The following TNKS1BP1 variants were observed in gnomAD, a reference collection of about 807,000 sequenced individuals.
TNKS1BP1 encodes CCR4-NOT transcription complex subunit 12.
TNKS1BP1 carries 48 observed loss-of-function variants against 141.1 expected under a neutral mutation model. The observed-to-expected ratio is 0.34, with a 90% CI of 0.27 to 0.43. The LOEUF (loss-of-function observed/expected upper bound fraction) is 0.43, where lower values mean the gene tolerates loss of function less well. Among genes scored for constraint, TNKS1BP1 ranks in the 20% least tolerant of loss-of-function variants. The probability of loss-of-function intolerance (pLI) is 1.00; values close to 1 mark genes in which losing one functional copy is unlikely to be tolerated. For synonymous variants in TNKS1BP1, 875 were observed against 898.2 expected (o/e 0.97, Z 0.46); for missense variants, 2,149 against 2,226.0 (o/e 0.97, Z 0.70).
chr11:57,321,865 C>T lies in TNKS1BP1; in HGVS notation c.21G>A (p.Arg7=). The change falls in exon 2 of 12, where the codon AGG becomes AGA. Residue 7 remains arginine (R), a synonymous_variant. Coordinates refer to ENST00000358252, the MANE Select transcript of TNKS1BP1 (RefSeq NM_033396.3). MKVSTL[R]ESSAMASPLP... ...GTGGGGAAGCCATGGCTGAGCTTTC[C>T]CTGAGAGTAGACACTTTCATCACAT... is the stretch of plus-strand genomic sequence containing the variant. 1 of 1,614,102 alleles carries T rather than the reference C, an allele frequency of 6.2e-7. No individual in the cohort carries two copies. The highest frequency in any genetic ancestry group is 8.5e-7 in the Non-Finnish European group (1 of 1,179,992).
In TNKS1BP1 at chr11:57,320,333, G is replaced by A; in HGVS notation, c.474C>T (p.Ala158=). ...TGGCCAGGATCTCTTCCACCGTGGT[G>A]GCCGCGAAGCGCTCTGAGGCTGGGC... ...PFRPASERFA[A]TTVEEILAKM... The change falls in exon 3 of 12, where the codon GCC becomes GCT. Residue 158 remains alanine, a synonymous_variant. Transcript: ENST00000358252. 1 of 1,614,210 alleles carries A rather than the reference G, an allele frequency of 6.2e-7. No homozygotes were observed. The highest frequency in any genetic ancestry group is 8.5e-7 in the Non-Finnish European group (1 of 1,180,036).
intron 8 of TNKS1BP1, 54 bp from the exon 9 acceptor site, chr11:57,301,997 A>C: frequency 6.2e-7 from 1 of 1,605,386 alleles, no homozygotes; most frequent in Non-Finnish European, 8.5e-7. Flanking sequence ...AGACTCCCCG[A>C]ACCCATAACC....
In TNKS1BP1 at chr11:57,320,139, T is replaced by G. The variant is rs865875645; in HGVS notation, c.668A>C (p.Glu223Ala). ...GSTLFRGWSQEGPVKSPAECR... is the reference protein window; with the variant it reads ...GSTLFRGWSQAGPVKSPAECR... ...CTCTGCTGGAGACTTTACTGGCCCC[T>G]CCTGGGACCATCCCCTGAAGAGGGT... The change falls in exon 3 of 12, where the codon GAG becomes GCG. Residue 223 changes from glutamate (E) to alanine (A), a missense_variant. Glu to Ala is a moderately radical substitution (Grantham distance 107). Coordinates refer to ENST00000358252, the MANE Select transcript of TNKS1BP1 (RefSeq NM_033396.3). The G allele has an allele frequency of 6.2e-7, 1 of 1,613,474 alleles. No individual in the cohort carries two copies. The highest frequency in any genetic ancestry group is 8.5e-7 in the Non-Finnish European group (1 of 1,179,796).
intron 4 of TNKS1BP1, among the ~76,000 whole-genome samples, chr11:57,314,840 A>G (rs556691792): frequency 1.3e-5 from 2 of 152,118 alleles, no homozygotes; most frequent in East Asian, 1.9e-4. Context: ...CTCCCACATC[A>G]TCACCTACTA....
At chr11:57,318,850 G>T (rs1209020563) in intron 3 of TNKS1BP1, among the ~76,000 whole-genome samples, 1 of 152,228 alleles carries the variant, frequency 6.6e-6, no homozygotes, top group Non-Finnish European at 1.5e-5. Context: ...CTGGCATCAA[G>T]ATGTGTTCCT....
chr11:57,318,716 G>A (rs763267950), intron 3 of TNKS1BP1, among the ~76,000 whole-genome samples: 2 of 152,172 alleles, frequency 1.3e-5, no homozygotes, highest in African/African-American at 2.4e-5. Context: ...CCAAAGTCCC[G>A]TGCCCAGCAC....
At chr11:57,311,132 C>T in intron 5 of TNKS1BP1, 1 of 707,456 alleles carries the variant, frequency 1.4e-6, no homozygotes, top group Non-Finnish European at 1.7e-6. Context: ...ACCTCTCAGC[C>T]CTCACCCTGG....
At chr11:57,314,034 C>T in intron 4 of TNKS1BP1, 145 bp from the exon 5 acceptor site, 6 of 977,804 alleles carry the variant, frequency 6.1e-6, no homozygotes, top group Non-Finnish European at 8.3e-6. Flanking sequence ...CTTGGGATAG[C>T]TGGGAGGGGC....
chr11:57,314,494 C>T (rs1486252687), intron 4 of TNKS1BP1, among the ~76,000 whole-genome samples: 1 of 152,204 alleles, frequency 6.6e-6, no homozygotes, highest in Non-Finnish European at 1.5e-5. Flanking sequence ...CCAGCACTGC[C>T]TCTTACCAGC....
chr11:57,305,776 A>G (rs1291417360), intron 6 of TNKS1BP1, among the ~76,000 whole-genome samples: 1 of 152,152 alleles, frequency 6.6e-6, no homozygotes, highest in Non-Finnish European at 1.5e-5. Context: ...ACAAAACCCC[A>G]TGAGTACTGG....
At chr11:57,320,027 A>ACCCCC in intron 3 of TNKS1BP1, 52 bp downstream of exon 3, 1 of 578,372 alleles carries the variant, frequency 1.7e-6, no homozygotes, top group South Asian at 1.7e-5. Flanking sequence ...ACCCAATCCC[A>ACCCCC]CCCCACCTGA....
At chr11:57,303,130 C>T (rs984680703) in intron 6 of TNKS1BP1, 7 of 352,896 alleles carry the variant, frequency 2.0e-5, no homozygotes, top group African/African-American at 1.2e-4. Context: ...AAGCACTTAG[C>T]ACAGTCCTGG....
intron 4 of TNKS1BP1, among the ~76,000 whole-genome samples, chr11:57,317,128 T>C (rs886847890): frequency 3.9e-5 from 6 of 152,222 alleles, no homozygotes; most frequent in African/African-American, 9.6e-5. Flanking sequence ...CACTCGTCCC[T>C]GCACTCTCTA....
chr11:57,322,079 G>A lies in TNKS1BP1; in HGVS notation c.-65-129C>T, dbSNP rs1033096633. On this transcript the variant is annotated intron_variant, in intron 1 of 11. Coordinates refer to ENST00000358252, the MANE Select transcript of TNKS1BP1 (RefSeq NM_033396.3). ...GAAGAGAGAACTTGGAGTGGGGGGG[G>A]GGGGGTAGGAGGAGGTCAAGGGAGG... The A allele has an allele frequency of 5.9e-5, 48 of 812,996 alleles. 2 individuals are homozygous for A. The highest frequency in any genetic ancestry group is 8.4e-4 in the Middle Eastern group (2 of 2,394). The allele number at this position is 812,996 out of a possible 1,614,324, so 50.4% of individuals were successfully genotyped here. A position where few individuals can be genotyped will look rare whatever the true frequency, so the allele number is the denominator to read the frequency against.
At chr11:57,311,925 G>A (rs2134361135) in intron 5 of TNKS1BP1, among the ~76,000 whole-genome samples, 1 of 152,364 alleles carries the variant, frequency 6.6e-6, no homozygotes, top group South Asian at 2.1e-4. Flanking sequence ...CACTTAGGAT[G>A]AGCCAGGCAC....
chr11:57,316,915 G>A (rs557708168), intron 4 of TNKS1BP1, among the ~76,000 whole-genome samples: 5 of 152,226 alleles, frequency 3.3e-5, no homozygotes, highest in South Asian at 4.1e-4. Flanking sequence ...AGAGGCCTTC[G>A]AGACTTGACA....
chr11:57,302,852 G>C lies in TNKS1BP1; in HGVS notation c.4317-27C>G. On this transcript the variant is annotated intron_variant, in intron 6 of 11. Coordinates refer to ENST00000358252, the MANE Select transcript of TNKS1BP1 (RefSeq NM_033396.3). This position sits in a 1 kb window ranked among gnomAD's most constrained non-coding sequence, Gnocchi z 5.5. ...TGTAAAGGGGACAGAGAGAGAACGA[G>C]ATCATCGTAAGGCCCCATCTCCCTG... 6.7e-7 allele frequency: 1 copy of C among 1,492,702 alleles called. No individual in the cohort carries two copies. Among genetic ancestry groups the C allele is most frequent in the Non-Finnish European group, 8.9e-7 (1 of 1,124,624 alleles). The allele number at this position is 1,492,702 out of a possible 1,614,324, so 92.5% of individuals were successfully genotyped here.
rs185490044 is a variant in TNKS1BP1, at chr11:57,310,244, G to C, written c.2467C>G (p.Arg823Gly). The C allele has an allele frequency of 1.8e-4, 295 of 1,614,060 alleles. 1 individual carries two copies. Among genetic ancestry groups the C allele is most frequent in the Non-Finnish European group, 1.6e-5 (19 of 1,180,008 alleles). ...AGCTGGGCTGGCTTTCCAACTACCC[G>C]GTCCTGGGCTGTGAGCACCCCTGGG... ...SAPGVLTAQD[R>G]VVGKPAQLGT... The change falls in exon 6 of 12, where the codon CGG becomes GGG. Residue 823 changes from arginine to glycine, a missense_variant. Arg to Gly is a moderately radical substitution (Grantham distance 125). Coordinates refer to ENST00000358252, the MANE Select transcript of TNKS1BP1 (RefSeq NM_033396.3).
chr11:57,303,716 T>G (rs1303322431), intron 6 of TNKS1BP1, among the ~76,000 whole-genome samples: 1 of 152,194 alleles, frequency 6.6e-6, no homozygotes, highest in Non-Finnish European at 1.5e-5. Context: ...TGGACCTCCA[T>G]GCAGCATATG....
Sources: allele counts gnomAD v4.1 joint callset (sites outside exome capture counted in the v4.1 genomes callset), GRCh38; gene constraint gnomAD v4.1.1; non-coding constraint Gnocchi (gnomAD v3.1); transcripts MANE v1.5; gene names NCBI Gene and HGNC (gene_info 2026-07-23, HGNC 2026-07-21).